UBE3D: variants seen among roughly 807,000 people sequenced by gnomAD.
The protein encoded by UBE3D is ubiquitin protein ligase E3D.
A neutral mutation model predicts 49.6 loss-of-function variants in UBE3D; 48 were observed. The ratio of observed to expected loss-of-function variants is 0.97; its 90% CI spans 0.77 to 1.23. The LOEUF is 1.23. Ranked by LOEUF, UBE3D falls within the 50% of genes most tolerant of loss-of-function variation. UBE3D has a pLI of 0.00. For synonymous variants in UBE3D, 189 were observed against 174.2 expected, an observed-to-expected ratio of 1.08 and a Z score of -0.67; for missense variants, 452 against 468.4, an observed-to-expected ratio of 0.96 and a Z score of 0.32.
chr6:83,000,845 CTT>C (rs36049759), intron 8 of UBE3D, among the ~76,000 whole-genome samples: 14 of 140,890 alleles, frequency 9.9e-5, no homozygotes, highest in African/African-American at 7.8e-5. Flanking sequence ...AGCATCAATT[CTT>C]TTTTTTTTTT....
chr6:82,927,627 T>C (rs1359219974), intron 9 of UBE3D, among the ~76,000 whole-genome samples: 2 of 152,132 alleles, frequency 1.3e-5, no homozygotes, highest in African/African-American at 4.8e-5. Context: ...GGGGGGCTAA[T>C]GTAAAAGGTA....
intron 3 of UBE3D, among the ~76,000 whole-genome samples, chr6:83,047,100 T>A (rs1204561200): frequency 6.6e-6 from 1 of 152,218 alleles, no homozygotes; most frequent in Non-Finnish European, 1.5e-5. Flanking sequence ...ATAACTATAA[T>A]GTGTGAAGCC....
chr6:82,884,848 A>G, the UBE3D span, among the ~76,000 whole-genome samples: 1 of 152,162 alleles, frequency 6.6e-6, no homozygotes, highest in South Asian at 2.1e-4. Context: ...AACCAGTGAC[A>G]CTGAACAAAA....
intron 8 of UBE3D, among the ~76,000 whole-genome samples, chr6:83,011,244 G>A (rs552736803): frequency 6.7e-4 from 102 of 152,264 alleles, no homozygotes; most frequent in Non-Finnish European, 1.1e-3. Flanking sequence ...ATGCACAAAC[G>A]TGTTTTTAAC....
rs565118755 is a variant in UBE3D, at chr6:82,913,920, C to T, written c.1150-20878G>A. On this transcript the variant is annotated intron_variant, in intron 9 of 9. Coordinates refer to ENST00000369747, the MANE Select transcript of UBE3D (RefSeq NM_198920.3). ...CTAAAAATGAATAAATGGATGCAAA[C>T]AGCATATGGTTGGTCATAGAGAGGA... Among the ~76,000 whole-genome samples, 114 of 152,260 alleles carry T rather than the reference C, an allele frequency of 7.5e-4. 1 individual carries two copies. The highest frequency in any genetic ancestry group is 3.4e-3 in the Middle Eastern group (1 of 294).
the UBE3D span, among the ~76,000 whole-genome samples, chr6:82,886,207 C>T: frequency 6.6e-6 from 1 of 152,314 alleles, no homozygotes; most frequent in South Asian, 2.1e-4. Flanking sequence ...GGTCCTCAAC[C>T]TTTTTGGCAC....
rs186853324 is a variant in UBE3D at position 82,947,501 on chromosome 6, A to C, written c.1149+9811T>G. 3.3e-5 allele frequency among the ~76,000 whole-genome samples: 5 copies of C among 150,262 alleles called. No individual in the cohort carries two copies. The South Asian group carries it at 1.1e-3, about 32-fold the overall frequency. ...AATGGTTGTAGAATACATATTTTTT[A>C]AATTTTTAATTTCTTTTCTTTTCTT... On this transcript the variant is annotated intron_variant, in intron 9 of 9. Transcript: ENST00000369747.
intron 9 of UBE3D, among the ~76,000 whole-genome samples, chr6:82,912,880 G>A (rs1353873360): frequency 6.6e-6 from 1 of 152,116 alleles, no homozygotes; most frequent in East Asian, 1.9e-4. Flanking sequence ...AATCTTGTCA[G>A]TGGTTATTCT....
chr6:83,019,824 A>T (rs1183200375), intron 7 of UBE3D, among the ~76,000 whole-genome samples: 6 of 152,248 alleles, frequency 3.9e-5, no homozygotes, highest in Admixed American at 2.6e-4. Flanking sequence ...ACCTTGAGAC[A>T]AGAGTCCCTA....
At position 82,893,006 on chromosome 6, in the gene UBE3D, T is replaced by G; in HGVS notation, c.*16A>C. ...AGAGCTGTCTGCCGGGGGAGGAGAA[T>G]GCCCAGCTCTAATAGTTACATCTTC... On this transcript the variant is annotated 3_prime_UTR_variant, in exon 10 of 10. Coordinates refer to ENST00000369747, the MANE Select transcript of UBE3D (RefSeq NM_198920.3). 1 of 1,613,720 alleles carries G rather than the reference T, an allele frequency of 6.2e-7. No homozygotes were observed. The highest frequency in any genetic ancestry group is 8.5e-7 in the Non-Finnish European group (1 of 1,179,824).
At chr6:83,065,224 C>G (rs949560219) in intron 1 of UBE3D, among the ~76,000 whole-genome samples, 4 of 152,140 alleles carry the variant, frequency 2.6e-5, no homozygotes, top group Non-Finnish European at 5.9e-5. Flanking sequence ...AAGAAGCTCA[C>G]ATAGGAACTG....
At chr6:83,057,380 C>T (rs1783879737) in intron 2 of UBE3D, among the ~76,000 whole-genome samples, 1 of 30,922 alleles carries the variant, frequency 3.2e-5, no homozygotes, top group African/African-American at 1.0e-4. Context: ...ACCTCCCCTA[C>T]CTTGTTCACT....
chr6:83,022,481 T>C lies in UBE3D; in HGVS notation c.818A>G (p.Gln273Arg), dbSNP rs1226885437. 1.2e-6 allele frequency: 2 copies of C among 1,605,022 alleles called. No homozygotes were observed. Among genetic ancestry groups the C allele is most frequent in the Non-Finnish European group, 8.5e-7 (1 of 1,176,486 alleles). Residue 273 changes from glutamine (Q) to arginine (R), a missense_variant, in exon 7 of 10, where the codon CAA becomes CGA. Physicochemically the swap from Gln to Arg is conservative, Grantham distance 43. Transcript: ENST00000369747. ...SARSTFRFTI[Q>R]GQDDKVYILL... ...GATATACACTTTGTCATCCTGACCT[T>C]GAATCGTGAATCTAAAAGTGCTTCT...
intron 9 of UBE3D, among the ~76,000 whole-genome samples, chr6:82,930,663 G>T (rs1774074259): frequency 6.6e-6 from 1 of 152,198 alleles, no homozygotes; most frequent in African/African-American, 2.4e-5. Flanking sequence ...TATGCAAAGA[G>T]ACTGGCAGCA....
At chr6:82,903,238 C>T (rs935987014) in intron 9 of UBE3D, among the ~76,000 whole-genome samples, 1 of 152,032 alleles carries the variant, frequency 6.6e-6, no homozygotes, top group African/African-American at 2.4e-5. Flanking sequence ...CCTCCCACCT[C>T]GGCCTCCCAA....
At chr6:83,065,558 C>A (rs113959128) in intron 1 of UBE3D, 84 bp downstream of exon 1, 47 of 1,307,348 alleles carry the variant, frequency 3.6e-5, no homozygotes, top group Non-Finnish European at 5.1e-5. Context: ...CAAAATCCCT[C>A]GTACAGAGAG....
chr6:82,946,869 A>G (rs935271095), intron 9 of UBE3D, among the ~76,000 whole-genome samples: 1 of 151,976 alleles, frequency 6.6e-6, no homozygotes, highest in Non-Finnish European at 1.5e-5. Flanking sequence ...ATTATAAGAT[A>G]GTTTTTGCAA....
rs1776233821 is a variant in UBE3D, at chr6:82,957,370, A to G, written c.1091T>C (p.Ile364Thr). ...PSATCLELLL[I>T]LSKSNANLPS... ...CAGATTGGCATTACTCTTTGACAAT[A>G]TCAACAGCAGCTCCAAGCAGGTTGC... Residue 364 changes from isoleucine (I) to threonine (T), a missense_variant, in exon 9 of 10, where the codon ATA (isoleucine) becomes ACA (threonine). Physicochemically the swap from Ile to Thr is moderately conservative, Grantham distance 89 (BLOSUM62 -1). Transcript: ENST00000369747. The G allele has an allele frequency of 4.3e-6, 7 of 1,614,160 alleles. No homozygotes were observed. Among genetic ancestry groups the G allele is most frequent in the South Asian group, 1.1e-5 (1 of 91,090 alleles).
intron 8 of UBE3D, among the ~76,000 whole-genome samples, chr6:82,990,925 T>C (rs1204044610): frequency 1.3e-5 from 2 of 151,572 alleles, no homozygotes; most frequent in Admixed American, 6.6e-5. Flanking sequence ...AACTTCTAAA[T>C]TGATTGAGAA....
Sources: gnomAD v4.1 joint callset for allele counts (sites outside exome capture counted in the v4.1 genomes callset) on GRCh38, gnomAD v4.1.1 for gene constraint, MANE v1.5 for transcripts, NCBI Gene and HGNC (gene_info 2026-07-23, HGNC 2026-07-21) for gene names.